Variants in PKIB observed in about 807,000 individuals in gnomAD.
PKIB encodes the protein PKI-beta.
PKIB carries 2 observed loss-of-function variants against 4.5 expected under a neutral mutation model. That is an observed-to-expected ratio of 0.44 (90% CI 0.18 to 1.39). The LOEUF is 1.39. Ranked by LOEUF, PKIB falls within the 40% of genes most tolerant of loss-of-function variation. The pLI, the probability that PKIB is intolerant of heterozygous loss-of-function variation, is 0.27. For missense variants in PKIB, 94 were observed against 92.6 expected (o/e 1.02, Z -0.06); for synonymous variants, 38 against 36.0 (o/e 1.06, Z -0.20).
chr6:122,561,993 T>TG (rs1562252014), intron 2 of PKIB, among the ~76,000 whole-genome samples: 2 of 122,474 alleles, frequency 1.6e-5, no homozygotes, highest in Admixed American at 8.2e-5. Flanking sequence ...TGTTTGTTTT[T>TG]GTTTTTTTTT....
At chr6:122,680,160 T>C (rs780941054) in intron 3 of PKIB, among the ~76,000 whole-genome samples, 1 of 152,216 alleles carries the variant, frequency 6.6e-6, no homozygotes, top group African/African-American at 2.4e-5. Context: ...AGAAAAGGCA[T>C]ACAAATCTAT....
chr6:122,544,157 G>T (rs2114643042), intron 2 of PKIB, among the ~76,000 whole-genome samples: 1 of 151,588 alleles, frequency 6.6e-6, no homozygotes, highest in African/African-American at 2.4e-5. Flanking sequence ...AAAATACAAA[G>T]AAAATTTAAA....
At chr6:122,699,745 T>C (rs1778720963) in intron 3 of PKIB, among the ~76,000 whole-genome samples, 1 of 152,216 alleles carries the variant, frequency 6.6e-6, no homozygotes, top group Non-Finnish European at 1.5e-5. Context: ...AGTGTCAAGA[T>C]TTAATCTAAT....
chr6:122,556,851 G>A (rs1047942827), intron 2 of PKIB, among the ~76,000 whole-genome samples: 2 of 152,180 alleles, frequency 1.3e-5, no homozygotes, highest in Admixed American at 1.3e-4. Context: ...CAAACTAAGT[G>A]TTTTGCACCA....
At chr6:122,672,564 G>C (rs938168081) in intron 2 of PKIB, among the ~76,000 whole-genome samples, 1 of 152,058 alleles carries the variant, frequency 6.6e-6, no homozygotes, top group Non-Finnish European at 1.5e-5. Flanking sequence ...TCTTGATTTA[G>C]TTGTAGTTTC....
At chr6:122,491,592 T>G (rs1775934917) in intron 2 of PKIB, among the ~76,000 whole-genome samples, 1 of 152,186 alleles carries the variant, frequency 6.6e-6, no homozygotes, top group Admixed American at 6.5e-5. Flanking sequence ...AAACCAAGTC[T>G]TCCTGAAGAA....
At chr6:122,639,051 T>C (rs1316684245) in intron 2 of PKIB, among the ~76,000 whole-genome samples, 1 of 152,236 alleles carries the variant, frequency 6.6e-6, no homozygotes, top group Non-Finnish European at 1.5e-5. Context: ...AAAAGAACTG[T>C]GTAAAATGTT....
intron 2 of PKIB, among the ~76,000 whole-genome samples, chr6:122,573,161 A>C (rs1023472386): frequency 2.5e-4 from 38 of 152,194 alleles, no homozygotes; most frequent in African/African-American, 8.7e-4. Context: ...AGGACACAAG[A>C]GAAAAAGAAA....
chr6:122,577,347 A>G (rs187154473), intron 2 of PKIB, among the ~76,000 whole-genome samples: 4 of 152,322 alleles, frequency 2.6e-5, no homozygotes, highest in Admixed American at 1.3e-4. Context: ...AGAAAAAGCA[A>G]TTTATGGCCC....
chr6:122,476,347 AG>A (rs1775451610), intron 1 of PKIB, among the ~76,000 whole-genome samples: 1 of 152,222 alleles, frequency 6.6e-6, no homozygotes, highest in Admixed American at 6.5e-5. Context: ...GTATAAACTT[AG>A]AATTGGAAGA....
intron 3 of PKIB, among the ~76,000 whole-genome samples, chr6:122,690,677 A>G (rs767845790): frequency 6.6e-6 from 1 of 152,118 alleles, no homozygotes; most frequent in Non-Finnish European, 1.5e-5. Flanking sequence ...TCTACTTAAT[A>G]TAACAGTAAT....
chr6:122,562,756 CT>C (rs567199377), intron 2 of PKIB, among the ~76,000 whole-genome samples: 52 of 152,250 alleles, frequency 3.4e-4, no homozygotes, highest in African/African-American at 1.0e-3. Context: ...ATTGCTGAGA[CT>C]TTCTAGAGCA....
chr6:122,511,137 T>C (rs1235214808), intron 2 of PKIB, among the ~76,000 whole-genome samples: 1 of 152,210 alleles, frequency 6.6e-6, no homozygotes, highest in African/African-American at 2.4e-5. Flanking sequence ...AAGGCACCAG[T>C]GCTGCATGCA....
At chr6:122,580,425 G>A (rs1266253872) in intron 2 of PKIB, among the ~76,000 whole-genome samples, 1 of 152,042 alleles carries the variant, frequency 6.6e-6, no homozygotes, top group African/African-American at 2.4e-5. Context: ...TAAGCTTATT[G>A]CCCATTAGTA....
chr6:122,594,426 C>T (rs530350353), intron 3 of PKIB, among the ~76,000 whole-genome samples: 4 of 152,012 alleles, frequency 2.6e-5, no homozygotes, highest in African/African-American at 9.7e-5. Flanking sequence ...AGGATTGTCT[C>T]GATCTCCTGA....
At chr6:122,525,110 T>C (rs1036937649) in intron 2 of PKIB, among the ~76,000 whole-genome samples, 2 of 152,088 alleles carry the variant, frequency 1.3e-5, no homozygotes, top group African/African-American at 4.8e-5. Flanking sequence ...CTCTTAGCAC[T>C]GCTTTCACTG....
intron 2 of PKIB, among the ~76,000 whole-genome samples, chr6:122,546,555 G>A (rs1772499407): frequency 6.6e-6 from 1 of 152,026 alleles, no homozygotes; most frequent in Admixed American, 6.6e-5. Context: ...GACTTTTCGT[G>A]TTGTAATGTC....
intron 2 of PKIB, among the ~76,000 whole-genome samples, chr6:122,547,707 C>T (rs965298659): frequency 2.6e-5 from 4 of 152,226 alleles, no homozygotes; most frequent in African/African-American, 9.6e-5. Context: ...GCCACTCCCA[C>T]GCACAGCTGC....
At chr6:122,706,364 GGT>G (rs1343559946) in intron 3 of PKIB, among the ~76,000 whole-genome samples, 1 of 151,840 alleles carries the variant, frequency 6.6e-6, no homozygotes, top group Non-Finnish European at 1.5e-5. Flanking sequence ...ACTCTTTCAG[GGT>G]GGGGACCATA....
Sources: allele counts gnomAD v4.1 joint callset (sites outside exome capture counted in the v4.1 genomes callset), GRCh38; gene constraint gnomAD v4.1.1; transcripts MANE v1.5; gene names NCBI Gene and HGNC (gene_info 2026-07-23, HGNC 2026-07-21).